Variants in CHRM3 observed in about 807,000 individuals in gnomAD.
CHRM3 encodes the protein cholinergic receptor muscarinic 3.
A neutral mutation model predicts 41.8 loss-of-function variants in CHRM3; 11 were observed. That is an observed-to-expected ratio of 0.26 (90% confidence interval 0.17 to 0.44). The LOEUF is 0.44. CHRM3 is among the 20% of genes least tolerant of loss of function. The pLI is 1.00. For missense variants in CHRM3, 571 were observed against 745.4 expected (o/e 0.77, Z 2.72); for synonymous variants, 297 against 301.4 (o/e 0.99, Z 0.15).
chr1:239,697,045 T>C (rs188777606), intron 5 of CHRM3, among the ~76,000 whole-genome samples: 187 of 152,328 alleles, frequency 1.2e-3, no homozygotes, highest in African/African-American at 4.3e-3. Context: ...ATGATTATTT[T>C]AGTCACTGGC....
intron 6 of CHRM3, among the ~76,000 whole-genome samples, chr1:239,894,296 A>C (rs1678798234): frequency 6.6e-6 from 1 of 152,228 alleles, no homozygotes; most frequent in African/African-American, 2.4e-5. Context: ...GGATATTTCA[A>C]ATATTTAAAC....
intron 6 of CHRM3, among the ~76,000 whole-genome samples, chr1:239,874,985 C>G (rs574541125): frequency 6.6e-6 from 1 of 152,254 alleles, no homozygotes; most frequent in East Asian, 1.9e-4. Flanking sequence ...AGTCATGAGC[C>G]ACCGCACCCA....
intron 2 of CHRM3, among the ~76,000 whole-genome samples, chr1:239,500,540 A>G (rs1668166675): frequency 6.6e-6 from 1 of 152,072 alleles, no homozygotes; most frequent in Non-Finnish European, 1.5e-5. Context: ...TGGGTGCAAC[A>G]CACCAACATG....
chr1:239,859,394 T>G (rs1675391823), intron 6 of CHRM3, among the ~76,000 whole-genome samples: 1 of 149,808 alleles, frequency 6.7e-6, no homozygotes, highest in African/African-American at 2.5e-5. Context: ...TTTGTTGGCC[T>G]GTTTTTTTTG....
At chr1:239,579,959 G>A (rs1662715182) in intron 3 of CHRM3, among the ~76,000 whole-genome samples, 1 of 152,144 alleles carries the variant, frequency 6.6e-6, no homozygotes, top group African/African-American at 2.4e-5. Context: ...TCACAGATGT[G>A]TGAGTTGAGA....
intron 3 of CHRM3, among the ~76,000 whole-genome samples, chr1:239,600,523 A>G (rs1019412864): frequency 2.6e-5 from 4 of 152,118 alleles, no homozygotes; most frequent in Admixed American, 6.5e-5. Context: ...CTCAGAATAT[A>G]TTAAGTTGAA....
At chr1:239,470,556 G>A (rs1009126282) in intron 1 of CHRM3, among the ~76,000 whole-genome samples, 1 of 152,178 alleles carries the variant, frequency 6.6e-6, no homozygotes, top group African/African-American at 2.4e-5. Flanking sequence ...TTTACACACT[G>A]TGGTGTGAAC....
chr1:239,804,078 GCATGTCCCTTCT>G (rs796698049), intron 5 of CHRM3, among the ~76,000 whole-genome samples: 8 of 152,322 alleles, frequency 5.3e-5, no homozygotes, highest in African/African-American at 1.9e-4. Flanking sequence ...GAGAGAGGCA[GCATGTCCCTTCT>G]CAGGGAGCTT....
Position 239,909,340 on chromosome 1 carries a change from G to A in CHRM3, c.*116G>A. On this transcript the variant is annotated 3_prime_UTR_variant, in exon 7 of 7. Coordinates refer to ENST00000676153, the MANE Select transcript of CHRM3 (RefSeq NM_001375978.1). ...ATGATAAAAATGGTTTTATCACCCA[G>A]ATGTGAAAGAAGCTGCCTGTTTACT... The A allele has an allele frequency of 2.9e-6, 3 of 1,045,174 alleles. No homozygotes were observed. Among genetic ancestry groups the A allele is most frequent in the South Asian group, 3.4e-5 (2 of 57,980 alleles). The allele number at this position is 1,045,174 out of a possible 1,614,324, so 64.7% of individuals were successfully genotyped here. A position where few individuals can be genotyped will look rare whatever the true frequency, so the allele number is the denominator to read the frequency against.
At chr1:239,412,559 G>C (rs577984234) in intron 1 of CHRM3, among the ~76,000 whole-genome samples, 1 of 151,002 alleles carries the variant, frequency 6.6e-6, no homozygotes, top group East Asian at 2.0e-4. Flanking sequence ...GCCTCTGCTG[G>C]TTATCAGGAA....
At chr1:239,573,888 C>G (rs1662078493) in intron 3 of CHRM3, among the ~76,000 whole-genome samples, 1 of 151,996 alleles carries the variant, frequency 6.6e-6, no homozygotes, top group Non-Finnish European at 1.5e-5. Context: ...GTCTTCCACA[C>G]TAGGTCCCCC....
intron 4 of CHRM3, among the ~76,000 whole-genome samples, chr1:239,633,313 G>A (rs186104176): frequency 4.7e-4 from 72 of 152,140 alleles, no homozygotes; most frequent in African/African-American, 1.4e-3. Flanking sequence ...GAGAGGGTGC[G>A]GAGGAAACTG....
intron 5 of CHRM3, among the ~76,000 whole-genome samples, chr1:239,803,888 C>T (rs924896567): frequency 5.3e-5 from 8 of 152,198 alleles, no homozygotes; most frequent in Admixed American, 3.3e-4. Context: ...TGCAGTAAGT[C>T]GTGATAGCAC....
intron 3 of CHRM3, among the ~76,000 whole-genome samples, chr1:239,617,284 C>T (rs1365315445): frequency 4.6e-5 from 7 of 152,176 alleles, no homozygotes; most frequent in South Asian, 2.1e-4. Context: ...GTGGAGCCCT[C>T]GGACATCCAG....
intron 2 of CHRM3, among the ~76,000 whole-genome samples, chr1:239,530,180 G>C (rs1301090637): frequency 6.6e-6 from 1 of 152,114 alleles, no homozygotes; most frequent in Non-Finnish European, 1.5e-5. Flanking sequence ...TGGGATTACA[G>C]GCGTGAGCCA....
At chr1:239,572,459 G>T (rs1408825701) in intron 3 of CHRM3, among the ~76,000 whole-genome samples, 1 of 152,180 alleles carries the variant, frequency 6.6e-6, no homozygotes, top group African/African-American at 2.4e-5. Flanking sequence ...TGAAGGTCAT[G>T]TTGAATGAGA....
intron 3 of CHRM3, among the ~76,000 whole-genome samples, chr1:239,564,334 C>T (rs1443160215): frequency 3.3e-5 from 5 of 151,896 alleles, no homozygotes; most frequent in Non-Finnish European, 7.4e-5. Context: ...ATAAGATATC[C>T]AAAAGATAAG....
intron 6 of CHRM3, among the ~76,000 whole-genome samples, chr1:239,882,634 A>C (rs1324500643): frequency 6.6e-6 from 1 of 152,228 alleles, no homozygotes; most frequent in Non-Finnish European, 1.5e-5. Context: ...ACAATTGCTA[A>C]CTGGCATGGA....
chr1:239,905,802 C>G (rs1572652750), intron 6 of CHRM3, among the ~76,000 whole-genome samples: 1 of 152,138 alleles, frequency 6.6e-6, no homozygotes, highest in Non-Finnish European at 1.5e-5. Flanking sequence ...TTTATTATTG[C>G]ACTAAATTTA....
Sources: allele counts gnomAD v4.1 joint callset (sites outside exome capture counted in the v4.1 genomes callset), GRCh38; gene constraint gnomAD v4.1.1; transcripts MANE v1.5; gene names NCBI Gene and HGNC (gene_info 2026-07-23, HGNC 2026-07-21).